OLFML2B: variants seen among roughly 807,000 people sequenced by gnomAD.
OLFML2B encodes the protein olfactomedin like 2B.
A neutral mutation model predicts 74.9 loss-of-function variants in OLFML2B; 57 were observed. The ratio of observed to expected loss-of-function variants is 0.76; its 90% CI spans 0.61 to 0.95. The LOEUF (loss-of-function observed/expected upper bound fraction) is 0.95. Among genes scored for constraint, OLFML2B ranks in the 40% least tolerant of loss-of-function variants. The probability of loss-of-function intolerance (pLI) is 0.00; values close to 1 mark genes in which losing one functional copy is unlikely to be tolerated. For missense variants in OLFML2B, 986 were observed against 970.6 expected (o/e 1.02, Z -0.21); for synonymous variants, 388 against 405.8 (o/e 0.96, Z 0.53).
chr1:162,002,590 C>T (rs915697176), intron 4 of OLFML2B, among the ~76,000 whole-genome samples: 2 of 152,238 alleles, frequency 1.3e-5, no homozygotes, highest in South Asian at 4.1e-4. Flanking sequence ...CTCATTACCC[C>T]CAAGGACACC....
At chr1:161,995,611 C>A (rs892298864) in intron 6 of OLFML2B, among the ~76,000 whole-genome samples, 2 of 152,040 alleles carry the variant, frequency 1.3e-5, no homozygotes, top group Non-Finnish European at 2.9e-5. Context: ...GTTCTGGGAC[C>A]CAGGTTGGTA....
chr1:161,984,057 A>T lies in OLFML2B; in HGVS notation c.1871T>A (p.Val624Glu), dbSNP rs2101941436. Residue 624 changes from valine (V) to glutamate (E), a missense_variant, in exon 8 of 8, where the codon GTG (valine) becomes GAG (glutamate). Physicochemically the swap from Val to Glu is moderately radical, Grantham distance 121. Coordinates refer to ENST00000294794, the MANE Select transcript of OLFML2B (RefSeq NM_015441.3). ...GATGAGCCATAGGCCATTCTCGTCC[A>T]CAGCAAAGTCCACGTCTGAGTGGCC... ...WQGHSDVDFA[V>E]DENGLWLIYP... 6.2e-7 allele frequency: 1 copy of T among 1,614,190 alleles called. No homozygotes were observed. The highest frequency in any genetic ancestry group is 1.1e-5 in the South Asian group (1 of 91,080).
At chr1:162,000,383 G>T in intron 4 of OLFML2B, 45 bp from the exon 5 acceptor site, 1 of 1,545,600 alleles carries the variant, frequency 6.5e-7, no homozygotes, top group Non-Finnish European at 8.8e-7. Flanking sequence ...TCACTGGTCA[G>T]AGAGGCAGTG....
intron 3 of OLFML2B, among the ~76,000 whole-genome samples, chr1:162,010,805 A>G (rs1364375224): frequency 6.6e-6 from 1 of 152,074 alleles, no homozygotes; most frequent in East Asian, 1.9e-4. Context: ...GTCATGGCCT[A>G]CTTATATAAC....
intron 6 of OLFML2B, among the ~76,000 whole-genome samples, chr1:161,994,546 G>A (rs554325338): frequency 9.0e-4 from 137 of 152,310 alleles, no homozygotes; most frequent in African/African-American, 3.2e-3. Flanking sequence ...AATTGTAGTT[G>A]CTAAAGTCTG....
intron 1 of OLFML2B, among the ~76,000 whole-genome samples, chr1:162,022,544 C>T (rs904001118): frequency 6.6e-6 from 1 of 152,018 alleles, no homozygotes; most frequent in Admixed American, 6.5e-5. Context: ...CCACCGCGCC[C>T]GGCCTACCCA....
chr1:161,989,198 T>C (rs763730319), intron 6 of OLFML2B, among the ~76,000 whole-genome samples: 1 of 152,194 alleles, frequency 6.6e-6, no homozygotes, highest in Non-Finnish European at 1.5e-5. Context: ...CTTAAACCCT[T>C]AATGACTCAC....
In OLFML2B at chr1:161,997,954, TGTGCATA is replaced by T; in HGVS notation, c.1338_1344del (p.Met447GlnfsTer31). On this transcript the variant is annotated frameshift_variant, in exon 6 of 8. Coordinates refer to ENST00000294794, the MANE Select transcript of OLFML2B (RefSeq NM_015441.3). LOFTEE classifies it high-confidence loss of function. ...ACTGTGGTGGGAGGCACTGGGACTG[TGTGCATA>T]GCTTCCATCAATGCCTCCCTGGGAG... The T allele has an allele frequency of 1.2e-6, 2 of 1,614,204 alleles. No individual in the cohort carries two copies. The highest frequency in any genetic ancestry group is 1.7e-6 in the Non-Finnish European group (2 of 1,180,036).
chr1:162,017,576 A>T (rs1690578869), intron 2 of OLFML2B, 69 bp from the exon 3 acceptor site: 2 of 1,145,288 alleles, frequency 1.7e-6, no homozygotes, highest in Non-Finnish European at 2.5e-6. Flanking sequence ...TTCCTTTCAG[A>T]TCTGCATACT....
chr1:162,021,877 T>G (rs1412825283), intron 1 of OLFML2B, among the ~76,000 whole-genome samples: 1 of 152,138 alleles, frequency 6.6e-6, no homozygotes, highest in Non-Finnish European at 1.5e-5. Context: ...GTGAGAGATT[T>G]TTATGTCTTT....
rs373271384 is a variant in OLFML2B at position 162,000,309 on chromosome 1, G to A, written c.753C>T (p.Thr251=). Residue 251 remains threonine (T), a synonymous_variant, in exon 5 of 8, where the codon ACC becomes ACT. Transcript: ENST00000294794. The part of the protein sequence containing the change: ...EYEERFLQEE[T]VSQQINSIEL... ...CGATGGAGTTGATCTGCTGGGACAC[G>A]GTTTCTTCCTGCAGAAACCGCTCTT... The A allele has an allele frequency of 3.0e-5, 48 of 1,612,742 alleles. No individual in the cohort carries two copies. The highest frequency in any genetic ancestry group is 1.7e-4 in the Admixed American group (10 of 59,994).
At chr1:162,022,735 C>T (rs1690757102) in intron 1 of OLFML2B, among the ~76,000 whole-genome samples, 1 of 152,132 alleles carries the variant, frequency 6.6e-6, no homozygotes, top group South Asian at 2.1e-4. Context: ...CCACTCTCCC[C>T]TCCCAGTACA....
At chr1:162,017,632 G>A (rs189884482) in intron 2 of OLFML2B, 125 bp from the exon 3 acceptor site, 12 of 637,652 alleles carry the variant, frequency 1.9e-5, no homozygotes, top group South Asian at 4.2e-5. Context: ...AGAGGTTGCC[G>A]TGAGAAACAC....
chr1:161,985,027 C>T, intron 6 of OLFML2B, 47 bp from the exon 7 acceptor site: 2 of 1,551,788 alleles, frequency 1.3e-6, no homozygotes, highest in South Asian at 1.2e-5. Flanking sequence ...TCTAGTGATG[C>T]CTCACCCCTT....
rs1689963835 is a variant in OLFML2B at position 161,997,983 on chromosome 1, G to C, written c.1316C>G (p.Pro439Arg). 2 of 1,614,074 alleles carry C rather than the reference G, an allele frequency of 1.2e-6. No homozygotes were observed. Among genetic ancestry groups the C allele is most frequent in the Middle Eastern group, 3.3e-4 (2 of 6,084 alleles). ...PAAPAPPAVS[P>R]REALMEAMHT... is the part of the protein sequence containing the mutation. Reference sequence around the variant, plus strand: ...CATAGCTTCCATCAATGCCTCCCTGGGAGACACTGCCGGAGGAGCTGGGGC... The same window carrying C: ...CATAGCTTCCATCAATGCCTCCCTGCGAGACACTGCCGGAGGAGCTGGGGC... The change falls in exon 6 of 8, where the codon CCC (proline) becomes CGC (arginine). Residue 439 changes from proline (P) to arginine (R), a missense_variant. Pro to Arg is a moderately radical substitution (Grantham distance 103). Coordinates refer to ENST00000294794, the MANE Select transcript of OLFML2B (RefSeq NM_015441.3).
chr1:162,022,476 C>T (rs1690742121), intron 1 of OLFML2B, among the ~76,000 whole-genome samples: 1 of 151,962 alleles, frequency 6.6e-6, no homozygotes, highest in African/African-American at 2.4e-5. Flanking sequence ...CTCTTGAACT[C>T]CTGACCTCGT....
At position 162,023,621 on chromosome 1, in the gene OLFML2B, C is replaced by A. The variant is rs953924011; in HGVS notation, c.-191G>T. ...GAGACTCTGGGCATCTCCTTCCCGA[C>A]GCGAGCAGCCCTCGACTGTGCAGCC... is the stretch of plus-strand genomic sequence containing the variant. On this transcript the variant is annotated 5_prime_UTR_variant, in exon 1 of 8. Transcript: ENST00000294794. The A allele has an allele frequency of 3.7e-5, 17 of 455,038 alleles. No homozygotes were observed. Among genetic ancestry groups the A allele is most frequent in the African/African-American group, 3.0e-4 (15 of 49,664 alleles). 28.2% of individuals were successfully genotyped at this position (455,038 alleles called of 1,614,324 possible). A position where few individuals can be genotyped will look rare whatever the true frequency, so the allele number is the denominator to read the frequency against.
At chr1:161,986,410 C>T (rs1007407853) in intron 6 of OLFML2B, among the ~76,000 whole-genome samples, 1 of 152,160 alleles carries the variant, frequency 6.6e-6, no homozygotes, top group African/African-American at 2.4e-5. Flanking sequence ...GGCCCTTGGC[C>T]CTGGGTCTGG....
At chr1:162,023,148 T>G in intron 1 of OLFML2B, 109 bp downstream of exon 1, 1 of 1,059,658 alleles carries the variant, frequency 9.4e-7, no homozygotes, top group Non-Finnish European at 1.3e-6. Flanking sequence ...CCCTTTCCAT[T>G]GGTAATGGAA....
Sources: gnomAD v4.1 joint callset for allele counts (sites outside exome capture counted in the v4.1 genomes callset) on GRCh38, gnomAD v4.1.1 for gene constraint, MANE v1.5 for transcripts, NCBI Gene and HGNC (gene_info 2026-07-23, HGNC 2026-07-21) for gene names.